The following BDP1 variants were observed in gnomAD, a reference collection of about 807,000 sequenced individuals.
BDP1 encodes the protein transcription factor TFIIIB component B'' homolog.
Under a neutral mutation model 266.6 loss-of-function variants are expected in BDP1, and 169 were observed. That is an observed-to-expected ratio of 0.63 (90% CI 0.56 to 0.72). The LOEUF (loss-of-function observed/expected upper bound fraction) is 0.72, where lower values mean the gene tolerates loss of function less well. Ranked by LOEUF, BDP1 falls within the 30% of genes least tolerant of loss-of-function variation. The probability of loss-of-function intolerance (pLI) is 0.00; values close to 1 mark genes in which losing one functional copy is unlikely to be tolerated. For missense variants in BDP1, 3,015 were observed against 3,053.8 expected, an observed-to-expected ratio of 0.99 and a Z score of 0.30; for synonymous variants, 1,090 against 1,022.4, an observed-to-expected ratio of 1.07 and a Z score of -1.26.
chr5:71,501,453 C>A (rs925641431), intron 13 of BDP1, 109 bp from the exon 14 acceptor site: 15 of 714,174 alleles, frequency 2.1e-5, no homozygotes, highest in Non-Finnish European at 3.6e-5. Flanking sequence ...GGATTACAGG[C>A]TTGAGCCACC....
At chr5:71,506,439 A>G (rs899245782) in intron 16 of BDP1, among the ~76,000 whole-genome samples, 3 of 152,092 alleles carry the variant, frequency 2.0e-5, no homozygotes, top group Admixed American at 6.6e-5. Flanking sequence ...TCAAGATGCT[A>G]TGTAAGAGAG....
intron 25 of BDP1, among the ~76,000 whole-genome samples, chr5:71,525,756 G>T (rs1365947964): frequency 1.5e-4 from 23 of 151,910 alleles, no homozygotes; most frequent in Non-Finnish European, 1.5e-5. Flanking sequence ...CTCCCTCCCG[G>T]ACGGGGTGGC....
In BDP1 at chr5:71,494,262, G is replaced by T. The variant is rs182063164; in HGVS notation, c.1641-988G>T. Among the ~76,000 whole-genome samples the T allele has an allele frequency of 1.5e-3, 235 of 152,300 alleles. 4 individuals carry two copies. Among genetic ancestry groups the T allele is most frequent in the Non-Finnish European group, 2.4e-3 (163 of 68,020 alleles). ...AAAATGAACAAGAAAAAAAGAAAAA[G>T]GTATGGCTAAATGTGAATATGTGTT... On this transcript the variant is annotated intron_variant, in intron 11 of 38. Coordinates refer to ENST00000358731, the MANE Select transcript of BDP1 (RefSeq NM_018429.3).
rs777751477 is a variant in BDP1 at position 71,553,311 on chromosome 5, T to C, written c.7191T>C (p.Tyr2397=). The C allele has an allele frequency of 2.5e-6, 4 of 1,611,786 alleles. No individual in the cohort carries two copies. Among genetic ancestry groups the C allele is most frequent in the Non-Finnish European group, 3.4e-6 (4 of 1,179,338 alleles). The change falls in exon 35 of 39, where the codon TAT becomes TAC. Residue 2397 remains tyrosine, a synonymous_variant. Coordinates refer to ENST00000358731, the MANE Select transcript of BDP1 (RefSeq NM_018429.3). ...CTTTAAGAGATGACTGTCAAGAATA[T>C]ACCACTGAGGTAAGTGGTATATTAA... is the stretch of plus-strand genomic sequence containing the variant. ...SLTLRDDCQE[Y]TTEVHSKELT...
intron 7 of BDP1, among the ~76,000 whole-genome samples, chr5:71,481,952 T>G (rs867192185): frequency 8.5e-5 from 13 of 152,172 alleles, no homozygotes; most frequent in Non-Finnish European, 1.8e-4. Context: ...AAGGCTACTC[T>G]AGGGTATCGT....
At chr5:71,543,487 C>T (rs1023726107) in intron 30 of BDP1, among the ~76,000 whole-genome samples, 8 of 152,102 alleles carry the variant, frequency 5.3e-5, no homozygotes, top group Non-Finnish European at 1.0e-4. Context: ...GTGGTCCCAG[C>T]TACTCAGAGG....
intron 26 of BDP1, among the ~76,000 whole-genome samples, chr5:71,537,313 T>C (rs1766683617): frequency 6.6e-6 from 1 of 152,146 alleles, no homozygotes; most frequent in African/African-American, 2.4e-5. Context: ...CATAATTCAA[T>C]ATCGCACACT....
In BDP1 at chr5:71,541,615, G is replaced by T; in HGVS notation, c.6184G>T (p.Glu2062Ter). 6.2e-7 allele frequency: 1 copy of T among 1,612,066 alleles called. No homozygotes were observed. Among genetic ancestry groups the T allele is most frequent in the Non-Finnish European group, 8.5e-7 (1 of 1,179,106 alleles). Residue 2062 changes from glutamate to a stop codon, truncating the protein, a stop_gained, in exon 29 of 39, where the codon GAG (glutamate) becomes TAG (stop). Transcript: ENST00000358731. LOFTEE classifies it high-confidence loss of function. ...ASFEENKIVL[E>*]EQSSREEISL... ...ATTTGAAGAAAACAAGATTGTATTG[G>T]AGGAACAAAGTTCCAGAGAAGAAAT... is the stretch of plus-strand genomic sequence containing the variant.
Sources: allele counts gnomAD v4.1 joint callset (sites outside exome capture counted in the v4.1 genomes callset), GRCh38; gene constraint gnomAD v4.1.1; transcripts MANE v1.5; gene names NCBI Gene and HGNC (gene_info 2026-07-23, HGNC 2026-07-21).